YWHAH: variants seen among roughly 807,000 people sequenced by gnomAD.
The protein encoded by YWHAH is 14-3-3 protein eta.
In YWHAH, 6 loss-of-function variants were observed where a neutral mutation model predicts 22.9. The observed-to-expected ratio is 0.26, with a 90% CI of 0.14 to 0.52. The LOEUF is 0.52. Among genes scored for constraint, YWHAH ranks in the 20% least tolerant of loss-of-function variants. The pLI is 0.97. For missense variants in YWHAH, 173 were observed against 308.6 expected, an observed-to-expected ratio of 0.56 and a Z score of 3.29; for synonymous variants, 135 against 124.5, an observed-to-expected ratio of 1.08 and a Z score of -0.56.
chr22:31,953,051 T>C (rs1369913217), intron 1 of YWHAH, among the ~76,000 whole-genome samples: 5 of 152,252 alleles, frequency 3.3e-5, no homozygotes, highest in African/African-American at 4.8e-5. Context: ...CATTCTGTAT[T>C]ATACATACAT....
In YWHAH at chr22:31,944,596, CTG is replaced by C; in HGVS notation, c.-137_-136del. The C allele has an allele frequency of 1.9e-6, 1 of 523,250 alleles. No homozygotes were observed. The highest frequency in any genetic ancestry group is 2.6e-6 in the Non-Finnish European group (1 of 379,978). 32.4% of individuals were successfully genotyped at this position (523,250 alleles called of 1,614,324 possible). A position where few individuals can be genotyped will look rare whatever the true frequency, so the allele number is the denominator to read the frequency against. ...GGCGGCGCTGCCTGCAGCCTGCAGC[CTG>C]CAGCCTCCGGCCGGCCGGCGAGCCA... On this transcript the variant is annotated 5_prime_UTR_variant, in exon 1 of 2. Coordinates refer to ENST00000248975, the MANE Select transcript of YWHAH (RefSeq NM_003405.4).
intron 1 of YWHAH, among the ~76,000 whole-genome samples, chr22:31,950,151 T>G (rs1376955327): frequency 2.2e-5 from 3 of 135,300 alleles, no homozygotes; most frequent in African/African-American, 8.5e-5. Flanking sequence ...TCTCCTGAGT[T>G]AAGAAGTGCA....
chr22:31,950,542 T>G (rs970669303), intron 1 of YWHAH: 15 of 544,192 alleles, frequency 2.8e-5, no homozygotes, highest in Non-Finnish European at 5.0e-5. Flanking sequence ...ATTTAATCCT[T>G]GCCAATCCCC....
intron 1 of YWHAH, among the ~76,000 whole-genome samples, chr22:31,953,497 C>T (rs550232241): frequency 6.6e-6 from 1 of 152,222 alleles, no homozygotes; most frequent in South Asian, 2.1e-4. Context: ...AGACATGTGA[C>T]CCTCTGATGT....
intron 1 of YWHAH, among the ~76,000 whole-genome samples, chr22:31,953,285 A>G (rs2093845577): frequency 6.6e-6 from 1 of 152,180 alleles, no homozygotes; most frequent in Non-Finnish European, 1.5e-5. Context: ...GTTTTATTGA[A>G]TATTGCTCTA....
At chr22:31,946,986 T>C (rs1177321247) in intron 1 of YWHAH, among the ~76,000 whole-genome samples, 3 of 152,172 alleles carry the variant, frequency 2.0e-5, no homozygotes, top group African/African-American at 4.8e-5. Context: ...ATTGTGCTTA[T>C]AGGTATTTTC....
At chr22:31,954,314 A>G (rs1267592973) in intron 1 of YWHAH, among the ~76,000 whole-genome samples, 5 of 152,114 alleles carry the variant, frequency 3.3e-5, no homozygotes, top group Non-Finnish European at 2.9e-5. Flanking sequence ...AGACTGATTT[A>G]ATAAAATTAA....
intron 1 of YWHAH, among the ~76,000 whole-genome samples, chr22:31,954,009 G>T (rs12106614): frequency 0.016 from 2,508 of 152,230 alleles, 61 homozygotes; most frequent in African/African-American, 0.058. Context: ...ATTTTTACCT[G>T]TAATAATGAT....
intron 1 of YWHAH, chr22:31,945,338 C>A (rs2093832405): frequency 8.1e-7 from 1 of 1,239,702 alleles, no homozygotes; most frequent in African/African-American, 1.6e-5. Flanking sequence ...GTTCCATCTT[C>A]CCACGCCTGG....
intron 1 of YWHAH, 132 bp downstream of exon 1, chr22:31,944,952 C>A (rs2093831337): frequency 8.9e-7 from 1 of 1,117,506 alleles, no homozygotes; most frequent in Non-Finnish European, 1.1e-6. Flanking sequence ...GCCGCCCGCC[C>A]GCCCTTAGCC....
chr22:31,950,409 T>G (rs1327442099), intron 1 of YWHAH: 1 of 779,502 alleles, frequency 1.3e-6, no homozygotes, highest in East Asian at 2.4e-5. Context: ...GCAGTGGCAT[T>G]CCCTTCTGCG....
intron 1 of YWHAH, among the ~76,000 whole-genome samples, chr22:31,949,196 A>G (rs919417740): frequency 7.1e-6 from 1 of 141,818 alleles, no homozygotes; most frequent in Non-Finnish European, 1.5e-5. Flanking sequence ...CTGGAGTACA[A>G]TGGAGCAATC....
In YWHAH at chr22:31,956,121, C is replaced by T. The variant is rs201848079; in HGVS notation, c.88-18C>T. 1.7e-4 allele frequency: 269 copies of T among 1,565,392 alleles called. No homozygotes were observed. In the African/African-American group the frequency reaches 3.6e-3, roughly 21 times the overall value. ...TTCAGATTTTGCTTTCAATGTTTAT[C>T]TTTTTGGGGTTTTGCAGGTGACAGA... On this transcript the variant is annotated intron_variant, in intron 1 of 1. Transcript: ENST00000248975. This position sits in a 1 kb window ranked among gnomAD's most constrained non-coding sequence, Gnocchi z 5.1.
chr22:31,952,172 G>A (rs1462087860), intron 1 of YWHAH, among the ~76,000 whole-genome samples: 2 of 152,226 alleles, frequency 1.3e-5, no homozygotes, highest in African/African-American at 4.8e-5. Context: ...TTGTGGAGAT[G>A]CAGCAAATGT....
At chr22:31,955,655 A>G (rs1166651396) in intron 1 of YWHAH, among the ~76,000 whole-genome samples, 4 of 151,962 alleles carry the variant, frequency 2.6e-5, no homozygotes, top group Non-Finnish European at 4.4e-5. Context: ...GTTGGCCAGA[A>G]TGGTCTCGAT....
intron 1 of YWHAH, among the ~76,000 whole-genome samples, chr22:31,948,663 C>G (rs1229512962): frequency 6.6e-6 from 1 of 152,162 alleles, no homozygotes; most frequent in East Asian, 1.9e-4. Context: ...GAGTGAGCTA[C>G]CACACCCAAC....
intron 1 of YWHAH, among the ~76,000 whole-genome samples, chr22:31,955,231 A>G (rs1215687798): frequency 6.6e-6 from 1 of 152,114 alleles, no homozygotes; most frequent in African/African-American, 2.4e-5. Context: ...TTAGGGTTCC[A>G]TGTGTAGCCA....
At chr22:31,950,691 G>C (rs1961534529) in intron 1 of YWHAH, among the ~76,000 whole-genome samples, 1 of 152,108 alleles carries the variant, frequency 6.6e-6, no homozygotes, top group South Asian at 2.1e-4. Flanking sequence ...TTGAAGTTTA[G>C]CCTATTTGTG....
At chr22:31,949,908 C>T (rs2149467380) in intron 1 of YWHAH, among the ~76,000 whole-genome samples, 1 of 152,052 alleles carries the variant, frequency 6.6e-6, no homozygotes, top group Non-Finnish European at 1.5e-5. Flanking sequence ...AAGAACTCTT[C>T]ATAAGTGGGC....
Sources: gnomAD v4.1 joint callset for allele counts (sites outside exome capture counted in the v4.1 genomes callset) on GRCh38, gnomAD v4.1.1 for gene constraint, Gnocchi (gnomAD v3.1) non-coding constraint, MANE v1.5 for transcripts, NCBI Gene and HGNC (gene_info 2026-07-23, HGNC 2026-07-21) for gene names.